The following ZNF704 variants were observed in gnomAD, a reference collection of about 807,000 sequenced individuals.
ZNF704 encodes the protein zinc finger protein 704, also known as glucocorticoid induced gene 1.
A neutral mutation model predicts 44.7 loss-of-function variants in ZNF704; 10 were observed. The ratio of observed to expected loss-of-function variants is 0.22; its 90% CI spans 0.14 to 0.38. The LOEUF is 0.38. Ranked by LOEUF, ZNF704 falls within the 10% of genes least tolerant of loss-of-function variation. The probability of loss-of-function intolerance (pLI) is 1.00; values close to 1 mark genes in which losing one functional copy is unlikely to be tolerated. For synonymous variants in ZNF704, 211 were observed against 207.6 expected (o/e 1.02, Z -0.14); for missense variants, 390 against 545.5 (o/e 0.71, Z 2.84).
intron 2 of ZNF704, among the ~76,000 whole-genome samples, chr8:80,706,517 A>C (rs1283539399): frequency 6.6e-6 from 1 of 152,224 alleles, no homozygotes; most frequent in Non-Finnish European, 1.5e-5. Context: ...AAGAGAGAAG[A>C]CTCACATCAT....
chr8:80,692,852 G>C, intron 3 of ZNF704, 152 bp downstream of exon 3: 1 of 664,408 alleles, frequency 1.5e-6, no homozygotes, highest in South Asian at 1.9e-5. Context: ...GACAGCTCTG[G>C]GGGCCTCGAC....
At chr8:80,711,071 G>A (rs1292403802) in intron 2 of ZNF704, among the ~76,000 whole-genome samples, 1 of 152,146 alleles carries the variant, frequency 6.6e-6, no homozygotes, top group East Asian at 1.9e-4. Flanking sequence ...GTGAGCTTGG[G>A]GTATGCTGTG....
chr8:80,809,206 G>A (rs552470639), intron 2 of ZNF704, among the ~76,000 whole-genome samples: 1 of 152,272 alleles, frequency 6.6e-6, no homozygotes, highest in African/African-American at 2.4e-5. Flanking sequence ...CAGGAGAATC[G>A]CTTGAACCTG....
chr8:80,748,114 T>C (rs1806878401), intron 2 of ZNF704, among the ~76,000 whole-genome samples: 1 of 152,224 alleles, frequency 6.6e-6, no homozygotes, highest in South Asian at 2.1e-4. Context: ...CTATACTCCA[T>C]CTTCAGAAAC....
At chr8:80,786,643 C>G (rs1380980871) in intron 2 of ZNF704, among the ~76,000 whole-genome samples, 1 of 152,102 alleles carries the variant, frequency 6.6e-6, no homozygotes, top group Non-Finnish European at 1.5e-5. Flanking sequence ...CAAATCAAAA[C>G]TTTATCATAA....
At chr8:80,661,659 G>A (rs1440437303) in intron 6 of ZNF704, among the ~76,000 whole-genome samples, 1 of 152,144 alleles carries the variant, frequency 6.6e-6, no homozygotes, top group African/African-American at 2.4e-5. Flanking sequence ...TGGAACTAGA[G>A]GTCACTATGT....
In ZNF704 at chr8:80,734,322, C is replaced by T. The variant is rs1039126548; in HGVS notation, c.222-41215G>A. Among the ~76,000 whole-genome samples the T allele has an allele frequency of 7.9e-5, 12 of 152,204 alleles. No individual in the cohort carries two copies. The South Asian group carries it at 1.7e-3, about 21-fold the overall frequency. ...CCACAGGACCCTGGGAATATTTCCA[C>T]GTTTTCTGGATTGTTTAATATTACC... On this transcript the variant is annotated intron_variant, in intron 2 of 8. Transcript: ENST00000327835.
In ZNF704 at chr8:80,874,160, C is replaced by T. The variant is rs1809315254; in HGVS notation, c.-22+411G>A. ...GGGGACTCGCGGCCGCAAGGGGCTG[C>T]AGGAGCCGCCGGCCAGGACCCGCGG... On this transcript the variant is annotated intron_variant, in intron 1 of 8. Transcript: ENST00000327835. This position sits in a 1 kb window ranked among gnomAD's most constrained non-coding sequence, Gnocchi z 4.4. 6.8e-6 allele frequency among the ~76,000 whole-genome samples: 1 copy of T among 146,668 alleles called. No homozygotes were observed. The highest frequency in any genetic ancestry group is 2.4e-5 in the African/African-American group (1 of 40,898).
chr8:80,725,936 T>G (rs2131675149), intron 2 of ZNF704, among the ~76,000 whole-genome samples: 1 of 152,288 alleles, frequency 6.6e-6, no homozygotes, highest in African/African-American at 2.4e-5. Context: ...TCTAAACAAA[T>G]GTCTAATGTA....
chr8:80,828,146 C>G (rs1808410489), intron 1 of ZNF704, among the ~76,000 whole-genome samples: 2 of 152,084 alleles, frequency 1.3e-5, no homozygotes, highest in South Asian at 4.1e-4. Context: ...AACAGGCAAC[C>G]TACAGAATGG....
At chr8:80,698,959 T>C (rs182594818) in intron 2 of ZNF704, among the ~76,000 whole-genome samples, 1 of 152,252 alleles carries the variant, frequency 6.6e-6, no homozygotes, top group Admixed American at 6.5e-5. Flanking sequence ...GGGAGAGATG[T>C]TTTACACCTT....
Position 80,839,839 on chromosome 8 carries a change from TGA to T in ZNF704, c.-21-18226_-21-18225del, listed in dbSNP as rs138328208. ...CTCTGGGCTGCTAAGCCAGCCATAA[TGA>T]GAGAGAGAGAGAGAGAGTAAATGAA... On this transcript the variant is annotated intron_variant, in intron 1 of 8. Coordinates refer to ENST00000327835, the MANE Select transcript of ZNF704 (RefSeq NM_001033723.3). 8.6e-5 allele frequency among the ~76,000 whole-genome samples: 13 copies of T among 150,510 alleles called. No homozygotes were observed. In the East Asian group the frequency reaches 2.1e-3, roughly 25 times the overall value.
At chr8:80,684,078 T>C (rs1290244411) in intron 4 of ZNF704, among the ~76,000 whole-genome samples, 1 of 152,238 alleles carries the variant, frequency 6.6e-6, no homozygotes, top group Non-Finnish European at 1.5e-5. Context: ...GAGAGGGGCA[T>C]GTTAATACCT....
chr8:80,830,217 T>C (rs1808447194), intron 1 of ZNF704, among the ~76,000 whole-genome samples: 1 of 151,854 alleles, frequency 6.6e-6, no homozygotes, highest in South Asian at 2.1e-4. Context: ...GAGAGAGAAT[T>C]TTAAGACAGG....
intron 2 of ZNF704, among the ~76,000 whole-genome samples, chr8:80,792,841 A>G (rs1020142685): frequency 6.6e-6 from 1 of 152,156 alleles, no homozygotes; most frequent in Non-Finnish European, 1.5e-5. Context: ...TCCCTAGTTG[A>G]GCCTTCAGAT....
Position 80,632,660 on chromosome 8 carries a change from A to G in ZNF704, c.*8706T>C, listed in dbSNP as rs1188173637. On this transcript the variant is annotated 3_prime_UTR_variant, in exon 9 of 9. Transcript: ENST00000327835. Reference sequence around the variant, plus strand: ...TATTAACTATGTGGTGGTGCCTAACATGAAAGAACATTTTAAAAAACAAGG... The same window carrying G: ...TATTAACTATGTGGTGGTGCCTAACGTGAAAGAACATTTTAAAAAACAAGG... The G allele has an allele frequency of 6.6e-6, 1 of 152,252 alleles. No individual in the cohort carries two copies. Among genetic ancestry groups the G allele is most frequent in the Non-Finnish European group, 1.5e-5 (1 of 68,040 alleles). 9.4% of individuals were successfully genotyped at this position (152,252 alleles called of 1,614,324 possible). A position where few individuals can be genotyped will look rare whatever the true frequency, so the allele number is the denominator to read the frequency against.
chr8:80,660,391 G>A (rs1456018890), intron 6 of ZNF704, among the ~76,000 whole-genome samples: 2 of 151,224 alleles, frequency 1.3e-5, no homozygotes, highest in East Asian at 3.9e-4. Flanking sequence ...AAGATTATGT[G>A]AGCCCAGGAG....
intron 2 of ZNF704, among the ~76,000 whole-genome samples, chr8:80,796,189 T>C (rs926183486): frequency 6.6e-6 from 1 of 152,210 alleles, no homozygotes; most frequent in Non-Finnish European, 1.5e-5. Flanking sequence ...AAGTCTAAGG[T>C]TGAAGAGCCA....
rs1396309324 is a variant in ZNF704, at chr8:80,821,861, C to A, written c.-21-246G>T. On this transcript the variant is annotated intron_variant, in intron 1 of 8. Coordinates refer to ENST00000327835, the MANE Select transcript of ZNF704 (RefSeq NM_001033723.3). ...CACAAAAAAATGCCTCCCAGGTATA[C>A]AAAAACAAAGATTTGAAAAGTGTAA... Among the ~76,000 whole-genome samples the A allele has an allele frequency of 3.9e-5, 6 of 152,220 alleles. 1 individual carries two copies. In the South Asian group the frequency reaches 1.2e-3, roughly 32 times the overall value.
Sources: gnomAD v4.1 joint callset for allele counts (sites outside exome capture counted in the v4.1 genomes callset) on GRCh38, gnomAD v4.1.1 for gene constraint, Gnocchi (gnomAD v3.1) non-coding constraint, MANE v1.5 for transcripts, NCBI Gene and HGNC (gene_info 2026-07-23, HGNC 2026-07-21) for gene names.